The following LETM1 variants were observed in gnomAD, a reference collection of about 807,000 sequenced individuals.
LETM1 encodes the protein mitochondrial proton/calcium exchanger protein.
A neutral mutation model predicts 74.5 loss-of-function variants in LETM1; 50 were observed. That is an observed-to-expected ratio of 0.67 (90% CI 0.53 to 0.85). LETM1 has a LOEUF of 0.85. LETM1 is among the 40% of genes least tolerant of loss of function. The pLI, the probability that LETM1 is intolerant of heterozygous loss-of-function variation, is 0.00. For synonymous variants in LETM1, 446 were observed against 407.1 expected, an observed-to-expected ratio of 1.10 and a Z score of -1.15; for missense variants, 824 against 967.8, an observed-to-expected ratio of 0.85 and a Z score of 1.97.
intron 3 of LETM1, among the ~76,000 whole-genome samples, chr4:1,840,587 G>A (rs374944505): frequency 2.0e-5 from 3 of 151,842 alleles, no homozygotes; most frequent in East Asian, 1.9e-4. Flanking sequence ...GAATGGTGTG[G>A]ACCCCGGGGG....
Position 1,822,989 on chromosome 4 carries a change from G to T in LETM1, c.1475C>A (p.Ala492Glu), listed in dbSNP as rs567089527. 1 of 1,565,538 alleles carries T rather than the reference G, an allele frequency of 6.4e-7. No individual in the cohort carries two copies. Among genetic ancestry groups the T allele is most frequent in the South Asian group, 1.2e-5 (1 of 86,182 alleles). ...GCACGGAGCAGGACCACCGCTTACC[G>T]CCACCTCCGAGCGCTTCTGCAGCTC... is the stretch of plus-strand genomic sequence containing the variant. Reference protein sequence around the residue: ...EKELQKRSEVAKDFEPERVVA... With the variant: ...EKELQKRSEVEKDFEPERVVA... Residue 492 changes from alanine to glutamate, a missense_variant and splice_region_variant, in exon 9 of 14, where the codon GCG becomes GAG. By Grantham distance (107) the Ala-to-Glu change is moderately radical (BLOSUM62 -1). Coordinates refer to ENST00000302787, the MANE Select transcript of LETM1 (RefSeq NM_012318.3).
intron 8 of LETM1, 129 bp from the exon 9 acceptor site, chr4:1,823,260 G>C: frequency 7.9e-7 from 1 of 1,272,408 alleles, no homozygotes; most frequent in Non-Finnish European, 1.1e-6. Context: ...CAGGACAGAA[G>C]GCACTGCCGA....
intron 8 of LETM1, among the ~76,000 whole-genome samples, 192 bp from the exon 9 acceptor site, chr4:1,823,323 G>A (rs1213900683): frequency 6.0e-5 from 9 of 150,002 alleles, no homozygotes; most frequent in Non-Finnish European, 1.3e-4. Flanking sequence ...GCGCTCGCCC[G>A]ATGACTCCTG....
chr4:1,839,974 G>A (rs1242906562), intron 3 of LETM1, among the ~76,000 whole-genome samples: 1 of 151,894 alleles, frequency 6.6e-6, no homozygotes, highest in East Asian at 1.9e-4. Flanking sequence ...AGTTCTGTGA[G>A]CCGCTCCAGC....
intron 1 of LETM1, among the ~76,000 whole-genome samples, chr4:1,853,101 A>C (rs1713119564): frequency 6.6e-6 from 1 of 152,114 alleles, no homozygotes; most frequent in Non-Finnish European, 1.5e-5. Flanking sequence ...AGAACTCTCA[A>C]CTAGCGCCCC....
chr4:1,847,245 G>A (rs993888537), intron 2 of LETM1, among the ~76,000 whole-genome samples: 10 of 152,034 alleles, frequency 6.6e-5, no homozygotes, highest in Admixed American at 1.3e-4. Flanking sequence ...GGAGGCTAAG[G>A]TGGGAGAATG....
chr4:1,823,633 ACAGCACGTACCAC>A lies in LETM1; in HGVS notation c.1330_1332+10del. 1 of 1,613,294 alleles carries A rather than the reference ACAGCACGTACCAC, an allele frequency of 6.2e-7. No individual in the cohort carries two copies. The highest frequency in any genetic ancestry group is 8.5e-7 in the Non-Finnish European group (1 of 1,179,858). On this transcript the variant is annotated splice_donor_variant and splice_donor_5th_base_variant and coding_sequence_variant and intron_variant, in exon 8 of 14. Transcript: ENST00000302787. LOFTEE classifies it high-confidence loss of function. ...AGAGATGAGGTAAAAGGGGTCTCCG[ACAGCACGTACCAC>A]AATCTCTGGGAGGGTCTGCAGTGTG...
At chr4:1,826,587 C>G (rs1482441334) in intron 6 of LETM1, among the ~76,000 whole-genome samples, 1 of 152,252 alleles carries the variant, frequency 6.6e-6, no homozygotes, top group African/African-American at 2.4e-5. Context: ...CAGGATCATG[C>G]AGGAGTCACC....
At position 1,814,404 on chromosome 4, in the gene LETM1, A is replaced by T. The variant is rs373059197; in HGVS notation, c.*20T>A. The T allele has an allele frequency of 1.5e-5, 25 of 1,614,040 alleles. No individual in the cohort carries two copies. The highest frequency in any genetic ancestry group is 1.6e-4 in the Middle Eastern group (1 of 6,074). On this transcript the variant is annotated 3_prime_UTR_variant, in exon 14 of 14. Transcript: ENST00000302787. ...CAGGGTGACGGCACAGCAGGAGGACAGGTGCCCAGGCCAGTGGTTCTAGCT... is the reference window on the plus strand; with the variant it reads ...CAGGGTGACGGCACAGCAGGAGGACTGGTGCCCAGGCCAGTGGTTCTAGCT...
At position 1,814,590 on chromosome 4, in the gene LETM1, G is replaced by C; in HGVS notation, c.2071-17C>G. The C allele has an allele frequency of 1.2e-6, 2 of 1,611,258 alleles. No homozygotes were observed. Among genetic ancestry groups the C allele is most frequent in the Non-Finnish European group, 1.7e-6 (2 of 1,178,262 alleles). On this transcript the variant is annotated splice_polypyrimidine_tract_variant and intron_variant, in intron 13 of 13. Transcript: ENST00000302787. ...CTCAATCACCTACACACGTGGGAAA[G>C]GGAGAGGCTCAGGTGGCTGCGCCCT...
At chr4:1,825,455 C>T (rs1711950025) in intron 7 of LETM1, 109 bp downstream of exon 7, 6 of 1,379,184 alleles carry the variant, frequency 4.4e-6, no homozygotes, top group African/African-American at 2.9e-5. Context: ...GTCACAGTGT[C>T]GCCTCGCCAG....
chr4:1,820,020 C>T (rs1262142801), intron 10 of LETM1, among the ~76,000 whole-genome samples: 1 of 152,242 alleles, frequency 6.6e-6, no homozygotes, highest in African/African-American at 2.4e-5. Context: ...TTGCTGCAGG[C>T]TTGATCTCCC....
At position 1,822,982 on chromosome 4, in the gene LETM1, G is replaced by A. The variant is rs371412770; in HGVS notation, c.1476+6C>T. 50 of 1,553,820 alleles carry A rather than the reference G, an allele frequency of 3.2e-5. No individual in the cohort carries two copies. Among genetic ancestry groups the A allele is most frequent in the African/African-American group, 1.1e-4 (8 of 72,850 alleles). On this transcript the variant is annotated splice_donor_region_variant and intron_variant, in intron 9 of 13. Coordinates refer to ENST00000302787, the MANE Select transcript of LETM1 (RefSeq NM_012318.3). ...CCACGCGGCACGGAGCAGGACCACC[G>A]CTTACCGCCACCTCCGAGCGCTTCT...
chr4:1,848,748 A>G (rs1712970010), intron 2 of LETM1, among the ~76,000 whole-genome samples: 2 of 151,106 alleles, frequency 1.3e-5, no homozygotes. Context: ...AAAAAAAAAA[A>G]GTCGCAGTTT....
chr4:1,831,703 T>C (rs986126052), intron 6 of LETM1, among the ~76,000 whole-genome samples: 14 of 152,242 alleles, frequency 9.2e-5, no homozygotes, highest in Non-Finnish European at 1.8e-4. Context: ...GCTCCCCACA[T>C]GGCCTTGCCT....
At chr4:1,824,681 C>G (rs1711921386) in intron 7 of LETM1, among the ~76,000 whole-genome samples, 1 of 152,180 alleles carries the variant, frequency 6.6e-6, no homozygotes, top group Admixed American at 6.5e-5. Context: ...CGCCACACTC[C>G]CCTGGGGGCC....
intron 2 of LETM1, 54 bp downstream of exon 2, chr4:1,849,094 AT>A: frequency 7.8e-7 from 1 of 1,274,486 alleles, no homozygotes; most frequent in Non-Finnish European, 1.1e-6. Flanking sequence ...ACTCTCCACC[AT>A]TTTCAAACCC....
In LETM1 at chr4:1,834,639, C is replaced by T. The variant is rs753444141; in HGVS notation, c.876+206G>A. The T allele has an allele frequency of 2.9e-6, 4 of 1,398,672 alleles. No individual in the cohort carries two copies. Among genetic ancestry groups the T allele is most frequent in the Non-Finnish European group, 3.7e-6 (4 of 1,078,664 alleles). The allele number at this position is 1,398,672 out of a possible 1,614,324, so 86.6% of individuals were successfully genotyped here. ...CCCATAATTCTGAAGGCTGACGAGG[C>T]GCAGCCACCACAGCTTAACTCACTG... is the stretch of plus-strand genomic sequence containing the variant. On this transcript the variant is annotated intron_variant, in intron 5 of 13. Transcript: ENST00000302787. The surrounding 1 kb of genome is among the most constrained non-coding windows in gnomAD (Gnocchi z 5.0).
chr4:1,829,116 G>A (rs531142647), intron 6 of LETM1, among the ~76,000 whole-genome samples: 2 of 126,518 alleles, frequency 1.6e-5, no homozygotes, highest in East Asian at 5.1e-4. Context: ...AGGGGCGGCC[G>A]GGCAGAGGCG....
Sources: allele counts gnomAD v4.1 joint callset (sites outside exome capture counted in the v4.1 genomes callset), GRCh38; gene constraint gnomAD v4.1.1; non-coding constraint Gnocchi (gnomAD v3.1); transcripts MANE v1.5; gene names NCBI Gene and HGNC (gene_info 2026-07-23, HGNC 2026-07-21).